RBMS3: variants seen among roughly 807,000 people sequenced by gnomAD.
RBMS3 encodes the protein RNA-binding motif, single-stranded-interacting protein 3.
A neutral mutation model predicts 66.8 loss-of-function variants in RBMS3; 27 were observed. The observed-to-expected ratio is 0.40, with a 90% confidence interval of 0.30 to 0.56. RBMS3 has a LOEUF of 0.56. RBMS3 is among the 20% of genes least tolerant of loss of function. The pLI, the probability that RBMS3 is intolerant of heterozygous loss-of-function variation, is 0.40. For missense variants in RBMS3, 513 were observed against 549.5 expected (o/e 0.93, Z 0.66); for synonymous variants, 188 against 183.0 (o/e 1.03, Z -0.22).
intron 4 of RBMS3, among the ~76,000 whole-genome samples, chr3:29,724,107 C>T (rs918081810): frequency 7.2e-5 from 11 of 152,114 alleles, no homozygotes; most frequent in East Asian, 3.9e-4. Flanking sequence ...GTTTCCCACC[C>T]TGTAATATAT....
intron 1 of RBMS3, among the ~76,000 whole-genome samples, chr3:29,299,635 T>C (rs1393387167): frequency 1.3e-5 from 2 of 151,492 alleles, no homozygotes; most frequent in Non-Finnish European, 3.0e-5. Context: ...AATAAAAATA[T>C]AGTATAGCAA....
At chr3:29,455,600 A>G (rs971056497) in intron 2 of RBMS3, among the ~76,000 whole-genome samples, 1 of 152,196 alleles carries the variant, frequency 6.6e-6, no homozygotes, top group African/African-American at 2.4e-5. Flanking sequence ...ATTCATTGAC[A>G]TTTGTCAATC....
intron 6 of RBMS3, among the ~76,000 whole-genome samples, chr3:29,819,171 A>G (rs775066781): frequency 2.0e-5 from 3 of 152,202 alleles, no homozygotes; most frequent in African/African-American, 4.8e-5. Flanking sequence ...CTCCTGAAGT[A>G]GTGTGTATCC....
intron 12 of RBMS3, among the ~76,000 whole-genome samples, chr3:29,978,523 C>G (rs1460351108): frequency 6.6e-6 from 1 of 151,492 alleles, no homozygotes; most frequent in Non-Finnish European, 1.5e-5. Flanking sequence ...GAGCTAATCT[C>G]AATTATACTA....
At chr3:29,439,972 C>T (rs911763608) in intron 2 of RBMS3, among the ~76,000 whole-genome samples, 9 of 152,132 alleles carry the variant, frequency 5.9e-5, no homozygotes, top group South Asian at 2.1e-4. Context: ...AGACGGAAGT[C>T]GGAGAAGATA....
intron 12 of RBMS3, among the ~76,000 whole-genome samples, chr3:29,947,876 A>T (rs1036441958): frequency 1.5e-4 from 22 of 151,190 alleles, no homozygotes; most frequent in African/African-American, 5.1e-4. Context: ...CAAGCAGAAG[A>T]CTACTATCAC....
At chr3:29,871,065 C>T (rs983473953) in intron 7 of RBMS3, among the ~76,000 whole-genome samples, 14 of 152,014 alleles carry the variant, frequency 9.2e-5, no homozygotes, top group Non-Finnish European at 1.9e-4. Flanking sequence ...AGTATATTAG[C>T]AAGTTGATAA....
intron 12 of RBMS3, among the ~76,000 whole-genome samples, chr3:29,953,284 A>G (rs1056099621): frequency 3.3e-5 from 5 of 151,924 alleles, no homozygotes; most frequent in African/African-American, 7.2e-5. Context: ...GCAAAGATGC[A>G]GCCGTCATTA....
intron 1 of RBMS3, among the ~76,000 whole-genome samples, chr3:29,331,474 T>C (rs1407991381): frequency 6.6e-6 from 1 of 151,304 alleles, no homozygotes; most frequent in Non-Finnish European, 1.5e-5. Flanking sequence ...GCTTGCCTTA[T>C]TTCCCTTCTC....
intron 4 of RBMS3, among the ~76,000 whole-genome samples, chr3:29,634,330 A>G (rs921421913): frequency 1.3e-5 from 2 of 151,876 alleles, no homozygotes; most frequent in Non-Finnish European, 2.9e-5. Context: ...ATCATGAACT[A>G]TCTTTATACA....
chr3:29,411,035 T>C (rs1358969963), intron 1 of RBMS3, among the ~76,000 whole-genome samples: 1 of 151,902 alleles, frequency 6.6e-6, no homozygotes, highest in East Asian at 1.9e-4. Context: ...CACTTTTTTC[T>C]GGTGGTTTTT....
chr3:29,324,898 A>T (rs2035229686), intron 1 of RBMS3, among the ~76,000 whole-genome samples: 1 of 147,036 alleles, frequency 6.8e-6, no homozygotes. Context: ...CCCCACTGTT[A>T]TTTTTTTTTC....
At chr3:29,742,285 C>T (rs1011750768) in intron 5 of RBMS3, among the ~76,000 whole-genome samples, 3 of 151,816 alleles carry the variant, frequency 2.0e-5, no homozygotes, top group African/African-American at 7.3e-5. Context: ...AATGCAGCCT[C>T]TCTCTCTCCT....
At chr3:29,325,179 A>G (rs1182925072) in intron 1 of RBMS3, among the ~76,000 whole-genome samples, 1 of 152,134 alleles carries the variant, frequency 6.6e-6, no homozygotes, top group Non-Finnish European at 1.5e-5. Context: ...ATATTTTGTG[A>G]AGTGAAAAAA....
intron 3 of RBMS3, among the ~76,000 whole-genome samples, chr3:29,550,978 T>C (rs943158976): frequency 6.6e-6 from 1 of 152,240 alleles, no homozygotes; most frequent in African/African-American, 2.4e-5. Context: ...CTAAAGTCTC[T>C]GCTACATTCT....
At chr3:29,890,480 A>G (rs1157004624) in intron 8 of RBMS3, among the ~76,000 whole-genome samples, 2 of 151,650 alleles carry the variant, frequency 1.3e-5, no homozygotes, top group Non-Finnish European at 3.0e-5. Flanking sequence ...CATAGAACAC[A>G]GGGTATCCAA....
Position 29,423,348 on chromosome 3 carries a change from C to G in RBMS3, c.76-11395C>G, listed in dbSNP as rs533021027. Among the ~76,000 whole-genome samples the G allele has an allele frequency of 5.6e-4, 85 of 152,212 alleles. 1 individual carries two copies. The Middle Eastern group carries it at 0.014, about 24-fold the overall frequency. ...TTAAAAAGAGAAAATACACCTTTTC[C>G]CCTCAAATTATATTTTTACTTCCTA... On this transcript the variant is annotated intron_variant, in intron 1 of 14. Coordinates refer to ENST00000383767, the MANE Select transcript of RBMS3 (RefSeq NM_001003793.3).
chr3:29,310,262 T>C, intron 1 of RBMS3, among the ~76,000 whole-genome samples: 1 of 151,650 alleles, frequency 6.6e-6, no homozygotes, highest in East Asian at 1.9e-4. Flanking sequence ...GTCTGAAAAC[T>C]TTAATCTCAG....
chr3:29,823,106 A>G (rs1214471389), intron 6 of RBMS3, among the ~76,000 whole-genome samples: 1 of 152,094 alleles, frequency 6.6e-6, no homozygotes, highest in Non-Finnish European at 1.5e-5. Context: ...TACTTTTATT[A>G]AAGTTTAACA....
Sources: allele counts gnomAD v4.1 joint callset (sites outside exome capture counted in the v4.1 genomes callset), GRCh38; gene constraint gnomAD v4.1.1; transcripts MANE v1.5; gene names NCBI Gene and HGNC (gene_info 2026-07-23, HGNC 2026-07-21).